ZCCHC14: variants seen among roughly 807,000 people sequenced by gnomAD.
The protein encoded by ZCCHC14 is zinc finger CCHC-type containing 14.
A neutral mutation model predicts 85.0 loss-of-function variants in ZCCHC14; 16 were observed. The ratio of observed to expected loss-of-function variants is 0.19; its 90% CI spans 0.13 to 0.29. The LOEUF (loss-of-function observed/expected upper bound fraction) is 0.29. ZCCHC14 is among the 10% of genes least tolerant of loss of function. The pLI is 1.00. For missense variants in ZCCHC14, 1,303 were observed against 1,443.5 expected, an observed-to-expected ratio of 0.90 and a Z score of 1.58; for synonymous variants, 775 against 630.7, an observed-to-expected ratio of 1.23 and a Z score of -3.43.
chr16:87,485,519 A>C (rs1218820664), intron 1 of ZCCHC14, among the ~76,000 whole-genome samples: 1 of 151,000 alleles, frequency 6.6e-6, no homozygotes, highest in Non-Finnish European at 1.5e-5. Flanking sequence ...AATGTACCCT[A>C]ATTAGGTAAC....
chr16:87,478,758 C>T (rs1912136460), intron 1 of ZCCHC14, among the ~76,000 whole-genome samples: 1 of 152,080 alleles, frequency 6.6e-6, no homozygotes, highest in South Asian at 2.1e-4. Flanking sequence ...AGGCGCCCGC[C>T]ACCACGCCCG....
chr16:87,491,579 C>A lies in ZCCHC14; in HGVS notation c.570+90G>T, dbSNP rs1271288555. ...CTCAGTGCAGGCTGGAGGCGTGGGT[C>A]GGGGGGTCGCGGTGCAGGCTGGAGG... On this transcript the variant is annotated intron_variant, in intron 1 of 12. Transcript: ENST00000671377. This position sits in a 1 kb window ranked among gnomAD's most constrained non-coding sequence, Gnocchi z 5.9. 1.7e-6 allele frequency: 2 copies of A among 1,211,558 alleles called. No individual in the cohort carries two copies. Among genetic ancestry groups the A allele is most frequent in the African/African-American group, 1.6e-5 (1 of 61,554 alleles). 75.1% of individuals were successfully genotyped at this position (1,211,558 alleles called of 1,614,324 possible).
At chr16:87,410,437 G>T in intron 12 of ZCCHC14, 102 bp from the exon 13 acceptor site, 1 of 573,950 alleles carries the variant, frequency 1.7e-6, no homozygotes, top group South Asian at 2.5e-5. Context: ...CAAGATTCTG[G>T]TGCTGGAAAT....
At chr16:87,428,866 T>G (rs1027078965) in intron 3 of ZCCHC14, among the ~76,000 whole-genome samples, 1 of 150,190 alleles carries the variant, frequency 6.7e-6, no homozygotes, top group Non-Finnish European at 1.5e-5. Flanking sequence ...AGTATCTCAG[T>G]TGTCCATTCT....
intron 1 of ZCCHC14, 53 bp from the exon 2 acceptor site, chr16:87,460,184 G>T (rs1213768018): frequency 1.3e-6 from 2 of 1,580,482 alleles, no homozygotes; most frequent in East Asian, 4.5e-5. Context: ...GTTAATAGGG[G>T]ACAATTTTAT....
At chr16:87,490,388 C>T (rs1415480221) in intron 1 of ZCCHC14, among the ~76,000 whole-genome samples, 1 of 152,232 alleles carries the variant, frequency 6.6e-6, no homozygotes, top group Non-Finnish European at 1.5e-5. Context: ...GCAACCTATT[C>T]CCTTCCAAAA....
intron 2 of ZCCHC14, among the ~76,000 whole-genome samples, chr16:87,444,358 C>A (rs1027135300): frequency 6.6e-6 from 1 of 152,200 alleles, no homozygotes; most frequent in African/African-American, 2.4e-5. Context: ...CCAGCCAAAT[C>A]TGGTACAGCT....
chr16:87,456,422 A>G (rs986647138), intron 2 of ZCCHC14, among the ~76,000 whole-genome samples: 2 of 148,912 alleles, frequency 1.3e-5, no homozygotes, highest in Admixed American at 1.4e-4. Flanking sequence ...CCCAGCAGCT[A>G]CTCCGGAGGC....
At chr16:87,426,824 T>C (rs942471695) in intron 3 of ZCCHC14, among the ~76,000 whole-genome samples, 2 of 152,124 alleles carry the variant, frequency 1.3e-5, no homozygotes, top group African/African-American at 4.8e-5. Flanking sequence ...AAAATTTTCA[T>C]CAATATTCTT....
chr16:87,455,064 A>G (rs1910887532), intron 2 of ZCCHC14, among the ~76,000 whole-genome samples: 1 of 152,226 alleles, frequency 6.6e-6, no homozygotes, highest in Non-Finnish European at 1.5e-5. Flanking sequence ...CGAGGCGGGC[A>G]GATCACCTGA....
chr16:87,467,074 A>G (rs920084756), intron 1 of ZCCHC14: 9 of 460,146 alleles, frequency 2.0e-5, no homozygotes, highest in Admixed American at 3.6e-5. Context: ...CTAAAGAGAC[A>G]GGGTCCCGCT....
At chr16:87,422,567 T>TAA (rs79859649) in intron 4 of ZCCHC14, among the ~76,000 whole-genome samples, 9 of 137,142 alleles carry the variant, frequency 6.6e-5, no homozygotes, top group African/African-American at 1.8e-4. Context: ...TACTAAAAAT[T>TAA]AAAAAAAAAA....
intron 2 of ZCCHC14, among the ~76,000 whole-genome samples, chr16:87,455,718 G>A (rs1163066427): frequency 6.6e-6 from 1 of 152,216 alleles, no homozygotes; most frequent in African/African-American, 2.4e-5. Context: ...GATGGCTGGA[G>A]TTGACGATTT....
chr16:87,453,351 G>C (rs1230210916), intron 2 of ZCCHC14, among the ~76,000 whole-genome samples: 1 of 152,276 alleles, frequency 6.6e-6, no homozygotes, highest in Admixed American at 6.5e-5. Context: ...TGAAGTCACT[G>C]GAGAGTAGTG....
intron 2 of ZCCHC14, among the ~76,000 whole-genome samples, chr16:87,445,264 A>G (rs1044581044): frequency 6.6e-6 from 1 of 152,052 alleles, no homozygotes; most frequent in African/African-American, 2.4e-5. Context: ...ACGGGGTTTC[A>G]CCATGTTGAC....
chr16:87,411,304 A>C (rs1264059345), intron 12 of ZCCHC14: 23 of 1,413,682 alleles, frequency 1.6e-5, no homozygotes, highest in Non-Finnish European at 2.2e-5. Flanking sequence ...CTAGAACCAG[A>C]GGCTGTCTGA....
chr16:87,417,690 G>A lies in ZCCHC14; in HGVS notation c.1153C>T (p.His385Tyr). Residue 385 changes from histidine (H) to tyrosine (Y), a missense_variant, in exon 8 of 13, where the codon CAC becomes TAC. This residue lies in a region of ZCCHC14 where 389 missense variants were observed against 397.8 expected (regional missense o/e 0.98). Coordinates refer to ENST00000671377, the MANE Select transcript of ZCCHC14 (RefSeq NM_015144.3). ...GCGGAGCCGGCCGGGTGCTGCCCGT[G>A]GTGCTGGGCTCCGCTCTGCGAGGAC... ...IPSSQSGAQH[H>Y]GQHPAGSAAP... is the part of the protein sequence containing the mutation. 5 of 1,609,892 alleles carry A rather than the reference G, an allele frequency of 3.1e-6. No individual in the cohort carries two copies. The highest frequency in any genetic ancestry group is 4.2e-6 in the Non-Finnish European group (5 of 1,178,654).
rs1912755853 is a variant in ZCCHC14, at chr16:87,491,337, G to C, written c.570+332C>G. ...GGGCTCAGGGCCGCGGTGCGGTCTT[G>C]GGGCTTAAAGTGCAGACTTAGGGTG... On this transcript the variant is annotated intron_variant, in intron 1 of 12. Transcript: ENST00000671377. This position sits in a 1 kb window ranked among gnomAD's most constrained non-coding sequence, Gnocchi z 5.9. Among the ~76,000 whole-genome samples, 1 of 152,198 alleles carries C rather than the reference G, an allele frequency of 6.6e-6. No individual in the cohort carries two copies. Among genetic ancestry groups the C allele is most frequent in the African/African-American group, 2.4e-5 (1 of 41,452 alleles).
rs1450671170 is a variant in ZCCHC14 at position 87,406,297 on chromosome 16, C to T, written c.*3983G>A. Reference sequence around the variant, plus strand: ...AGTACATTAAATTTACTCATAAAAACATTCTAAAAATGTACAATTTGTCCT... The same window carrying T: ...AGTACATTAAATTTACTCATAAAAATATTCTAAAAATGTACAATTTGTCCT... On this transcript the variant is annotated 3_prime_UTR_variant, in exon 13 of 13. Transcript: ENST00000671377. The T allele has an allele frequency of 2.0e-5, 3 of 152,504 alleles. No individual in the cohort carries two copies. Among genetic ancestry groups the T allele is most frequent in the African/African-American group, 7.2e-5 (3 of 41,410 alleles). The allele number at this position is 152,504 out of a possible 1,614,324, so 9.4% of individuals were successfully genotyped here.
Sources: allele counts gnomAD v4.1 joint callset (sites outside exome capture counted in the v4.1 genomes callset), GRCh38; gene constraint gnomAD v4.1.1; regional missense constraint gnomAD v4.1.1; non-coding constraint Gnocchi (gnomAD v3.1); transcripts MANE v1.5; gene names NCBI Gene and HGNC (gene_info 2026-07-23, HGNC 2026-07-21).